STK4: variants seen among roughly 807,000 people sequenced by gnomAD.
The protein encoded by STK4 is serine/threonine kinase 4.
A neutral mutation model predicts 64.9 loss-of-function variants in STK4; 30 were observed. That is an observed-to-expected ratio of 0.46 (90% CI 0.35 to 0.63). The LOEUF is 0.63. STK4 is among the 20% of genes least tolerant of loss of function. The pLI is 0.01. For missense variants in STK4, 466 were observed against 598.5 expected, an observed-to-expected ratio of 0.78 and a Z score of 2.31; for synonymous variants, 177 against 199.0, an observed-to-expected ratio of 0.89 and a Z score of 0.93.
chr20:44,976,200 AAGG>A (rs2067335633), intron 2 of STK4, among the ~76,000 whole-genome samples: 2 of 152,346 alleles, frequency 1.3e-5, no homozygotes, highest in East Asian at 1.9e-4. Context: ...GACAAACTGA[AAGG>A]AGAATTTGTG....
At chr20:45,063,783 A>AGG (rs375077561) in intron 10 of STK4, among the ~76,000 whole-genome samples, 1 of 151,434 alleles carries the variant, frequency 6.6e-6, no homozygotes, top group East Asian at 1.9e-4. Flanking sequence ...GATATAAGGA[A>AGG]GGGGGGGGTC....
intron 1 of STK4, among the ~76,000 whole-genome samples, chr20:44,971,470 G>A (rs2067244342): frequency 6.6e-6 from 1 of 152,060 alleles, no homozygotes; most frequent in Admixed American, 6.6e-5. Context: ...ACTTGCTAAT[G>A]GAAGAGCAAA....
At chr20:45,004,781 T>C (rs2067906957) in intron 9 of STK4, among the ~76,000 whole-genome samples, 1 of 151,252 alleles carries the variant, frequency 6.6e-6, no homozygotes. Flanking sequence ...TTTCTTTTTT[T>C]TTTTTGAGAC....
At position 44,997,149 on chromosome 20, in the gene STK4, T is replaced by G. The variant is rs1485979028; in HGVS notation, c.694-20T>G. Reference sequence around the variant, plus strand: ...TTTTATTTTACCAGATCTTTTTGTTTGTTTGTTTGTTCTAACCAGGCAATC... The same window carrying G: ...TTTTATTTTACCAGATCTTTTTGTTGGTTTGTTTGTTCTAACCAGGCAATC... On this transcript the variant is annotated intron_variant, in intron 6 of 10. Coordinates refer to ENST00000372806, the MANE Select transcript of STK4 (RefSeq NM_006282.5). 1 of 1,612,680 alleles carries G rather than the reference T, an allele frequency of 6.2e-7. No individual in the cohort carries two copies. The highest frequency in any genetic ancestry group is 1.3e-5 in the African/African-American group (1 of 74,868).
rs60170856 is a variant in STK4 at position 45,011,729 on chromosome 20, A to ATATATATATATATATATTT, written c.1147+10377_1147+10378insATATATATATATATATTTT. Among the ~76,000 whole-genome samples, 37 of 115,374 alleles carry ATATATATATATATATATTT rather than the reference A, an allele frequency of 3.2e-4. 1 individual carries two copies. Among genetic ancestry groups the ATATATATATATATATATTT allele is most frequent in the African/African-American group, 1.3e-3 (35 of 27,472 alleles). 75.7% of individuals were successfully genotyped at this position (115,374 alleles called of 152,430 possible). ...CATACATATATATATATATATATAT[A>ATATATATATATATATATTT]TTTTTTTTTTTTTTTTTAAGTCAAG... On this transcript the variant is annotated intron_variant, in intron 9 of 10. Transcript: ENST00000372806.
intron 10 of STK4, among the ~76,000 whole-genome samples, chr20:45,025,803 G>A (rs1033094590): frequency 6.6e-6 from 1 of 152,120 alleles, no homozygotes; most frequent in Non-Finnish European, 1.5e-5. Context: ...AAATTCTGAA[G>A]TTTGATCCTC....
intron 3 of STK4, among the ~76,000 whole-genome samples, chr20:44,979,192 C>A (rs2067393372): frequency 6.6e-6 from 1 of 152,016 alleles, no homozygotes; most frequent in Admixed American, 6.6e-5. Flanking sequence ...TGATAATGAT[C>A]TTTTTTACTT....
chr20:45,041,702 A>C (rs930589846), intron 10 of STK4, among the ~76,000 whole-genome samples: 3 of 150,834 alleles, frequency 2.0e-5, no homozygotes, highest in African/African-American at 7.3e-5. Flanking sequence ...TTTTTTTTAA[A>C]CAGCAAGGAG....
At chr20:45,049,181 G>T (rs2068741562) in intron 10 of STK4, among the ~76,000 whole-genome samples, 1 of 152,126 alleles carries the variant, frequency 6.6e-6, no homozygotes, top group Admixed American at 6.5e-5. Flanking sequence ...ATCAGAGGGT[G>T]GCCAGCAGCT....
intron 10 of STK4, among the ~76,000 whole-genome samples, chr20:45,070,989 C>T (rs904770432): frequency 1.3e-5 from 2 of 152,064 alleles, no homozygotes; most frequent in African/African-American, 4.8e-5. Context: ...TAATTACTTT[C>T]CACTGGATCC....
intron 5 of STK4, among the ~76,000 whole-genome samples, chr20:44,992,220 A>G (rs1214255996): frequency 6.6e-6 from 1 of 151,476 alleles, no homozygotes; most frequent in African/African-American, 2.4e-5. Context: ...ACATTATAGA[A>G]TGGTTAATCT....
chr20:45,065,388 G>A lies in STK4; in HGVS notation c.1306-9630G>A, dbSNP rs560770714. On this transcript the variant is annotated intron_variant, in intron 10 of 10. Coordinates refer to ENST00000372806, the MANE Select transcript of STK4 (RefSeq NM_006282.5). ...GAGGATTTTCACATCCATGTTCCTC[G>A]AGAAAAATGGCCTGAAGTTTTTTTG... Among the ~76,000 whole-genome samples the A allele has an allele frequency of 5.9e-5, 9 of 152,082 alleles. No individual in the cohort carries two copies. In the South Asian group the frequency reaches 6.2e-4, roughly 11 times the overall value.
chr20:44,990,690 A>C (rs560265230), intron 5 of STK4, among the ~76,000 whole-genome samples: 4 of 152,212 alleles, frequency 2.6e-5, no homozygotes, highest in Middle Eastern at 3.4e-3. Flanking sequence ...CACACTCTCT[A>C]TAGTCTAGAG....
chr20:45,016,001 C>G (rs1026177745), intron 9 of STK4, among the ~76,000 whole-genome samples: 1 of 151,854 alleles, frequency 6.6e-6, no homozygotes, highest in Non-Finnish European at 1.5e-5. Context: ...AGTTTTTGCT[C>G]TTGGTATTGA....
chr20:45,053,690 G>T (rs1978305884), intron 10 of STK4, among the ~76,000 whole-genome samples: 1 of 152,170 alleles, frequency 6.6e-6, no homozygotes, highest in South Asian at 2.1e-4. Flanking sequence ...TCAATCATCT[G>T]TTCCAACACT....
chr20:45,000,270 A>G, intron 7 of STK4, 122 bp from the exon 8 acceptor site: 4 of 1,302,750 alleles, frequency 3.1e-6, no homozygotes, highest in Non-Finnish European at 4.1e-6. Context: ...AAGCACAAAG[A>G]GAAAGATCAG....
intron 7 of STK4, among the ~76,000 whole-genome samples, chr20:44,999,830 TC>T (rs2067803308): frequency 6.6e-6 from 1 of 152,218 alleles, no homozygotes; most frequent in Non-Finnish European, 1.5e-5. Flanking sequence ...AGTAGATTTT[TC>T]AGTGATTTCT....
chr20:45,008,077 C>T (rs916587307), intron 9 of STK4, among the ~76,000 whole-genome samples: 31 of 152,164 alleles, frequency 2.0e-4, no homozygotes, highest in East Asian at 3.9e-4. Flanking sequence ...ATTTTTTTAA[C>T]GGAGTCTTGC....
chr20:45,033,478 A>G (rs1026263827), intron 10 of STK4, among the ~76,000 whole-genome samples: 1 of 152,146 alleles, frequency 6.6e-6, no homozygotes, highest in Non-Finnish European at 1.5e-5. Context: ...GTCCAGTTTC[A>G]GTCTTTTGCA....
Sources: gnomAD v4.1 joint callset for allele counts (sites outside exome capture counted in the v4.1 genomes callset) on GRCh38, gnomAD v4.1.1 for gene constraint, MANE v1.5 for transcripts, NCBI Gene and HGNC (gene_info 2026-07-23, HGNC 2026-07-21) for gene names.